The following GPR158 variants were observed in gnomAD, a reference collection of about 807,000 sequenced individuals.
GPR158 encodes the protein G protein-coupled receptor 158.
In GPR158, 30 loss-of-function variants were observed where a neutral mutation model predicts 78.2. The ratio of observed to expected loss-of-function variants is 0.38; its 90% CI spans 0.29 to 0.52. The LOEUF (loss-of-function observed/expected upper bound fraction) is 0.52. Ranked by LOEUF, GPR158 falls within the 20% of genes least tolerant of loss-of-function variation. The pLI, the probability that GPR158 is intolerant of heterozygous loss-of-function variation, is 0.83. For synonymous variants in GPR158, 581 were observed against 591.1 expected (o/e 0.98, Z 0.25); for missense variants, 1,463 against 1,523.5 (o/e 0.96, Z 0.66).
intron 3 of GPR158, among the ~76,000 whole-genome samples, chr10:25,408,078 G>T (rs1834538107): frequency 6.6e-6 from 1 of 152,128 alleles, no homozygotes; most frequent in Admixed American, 6.6e-5. Context: ...GAAGTTTCAA[G>T]TTTCATTTGT....
chr10:25,569,866 A>G (rs1836981229), intron 6 of GPR158, among the ~76,000 whole-genome samples: 1 of 152,190 alleles, frequency 6.6e-6, no homozygotes, highest in South Asian at 2.1e-4. Context: ...CTAGAGAAAA[A>G]AATTATATCT....
chr10:25,317,738 TTTG>T (rs1365875026), intron 2 of GPR158, among the ~76,000 whole-genome samples: 1 of 145,376 alleles, frequency 6.9e-6, no homozygotes, highest in African/African-American at 2.8e-5. Context: ...TTTGTTTTGT[TTTG>T]TTTTTGAGAC....
chr10:25,216,714 A>G (rs1298856508), intron 1 of GPR158, among the ~76,000 whole-genome samples: 1 of 152,232 alleles, frequency 6.6e-6, no homozygotes, highest in Non-Finnish European at 1.5e-5. Context: ...TCTCTTCCAT[A>G]TCAGACTTGG....
chr10:25,556,839 G>A (rs1836792724), intron 6 of GPR158, among the ~76,000 whole-genome samples: 1 of 152,172 alleles, frequency 6.6e-6, no homozygotes, highest in Non-Finnish European at 1.5e-5. Flanking sequence ...TGAATGCTTA[G>A]AGGATTAAGG....
intron 5 of GPR158, among the ~76,000 whole-genome samples, chr10:25,526,415 A>T (rs1371756699): frequency 6.6e-6 from 1 of 152,096 alleles, no homozygotes; most frequent in African/African-American, 2.4e-5. Context: ...ATGTCAGAGG[A>T]TAGAGTTTGA....
chr10:25,257,891 A>G (rs992852932), intron 2 of GPR158, among the ~76,000 whole-genome samples: 4 of 152,110 alleles, frequency 2.6e-5, no homozygotes, highest in African/African-American at 7.2e-5. Flanking sequence ...GCGGGTTAGG[A>G]AAAATGAAGA....
intron 8 of GPR158, among the ~76,000 whole-genome samples, chr10:25,590,365 G>A (rs1837325531): frequency 6.6e-6 from 1 of 152,072 alleles, no homozygotes; most frequent in Admixed American, 6.6e-5. Context: ...CATTAGAAGA[G>A]GAAGGAAAGA....
intron 2 of GPR158, among the ~76,000 whole-genome samples, chr10:25,306,741 G>A (rs1854680944): frequency 6.6e-6 from 1 of 152,116 alleles, no homozygotes; most frequent in African/African-American, 2.4e-5. Flanking sequence ...GAGACATCAT[G>A]TACTTTTTCT....
chr10:25,327,626 G>C (rs1211721447), intron 2 of GPR158, among the ~76,000 whole-genome samples: 1 of 152,106 alleles, frequency 6.6e-6, no homozygotes, highest in East Asian at 1.9e-4. Flanking sequence ...GGGAAGACAG[G>C]AGCAATGAAA....
Position 25,344,650 on chromosome 10 carries a change from T to G in GPR158, c.1009-51261T>G, listed in dbSNP as rs192723058. On this transcript the variant is annotated intron_variant, in intron 2 of 10. Transcript: ENST00000376351. The stretch of plus-strand genomic sequence containing the variant: ...TTGCACCATGATGAAGCCCAGAAAC[T>G]CCAGTGTTATTCATAGTTATTATAT... 3.3e-3 allele frequency among the ~76,000 whole-genome samples: 506 copies of G among 152,070 alleles called. 3 individuals are homozygous for G. The highest frequency in any genetic ancestry group is 0.011 in the African/African-American group (467 of 41,524).
At chr10:25,574,800 G>A (rs988509839) in intron 7 of GPR158, among the ~76,000 whole-genome samples, 6 of 152,108 alleles carry the variant, frequency 3.9e-5, no homozygotes, top group Non-Finnish European at 5.9e-5. Context: ...CAGAAGAATC[G>A]CTTGAACCCA....
chr10:25,300,062 A>T (rs1259091944), intron 2 of GPR158, among the ~76,000 whole-genome samples: 1 of 152,134 alleles, frequency 6.6e-6, no homozygotes, highest in East Asian at 1.9e-4. Flanking sequence ...CCAGCCCTAT[A>T]TCAGTTTTCT....
intron 2 of GPR158, among the ~76,000 whole-genome samples, chr10:25,288,180 CTG>C (rs1377590869): frequency 6.6e-6 from 1 of 152,192 alleles, no homozygotes; most frequent in Non-Finnish European, 1.5e-5. Context: ...AACTCAGGCA[CTG>C]TGAGGTCAAC....
At chr10:25,229,691 T>A (rs1171427913) in intron 2 of GPR158, among the ~76,000 whole-genome samples, 1 of 152,200 alleles carries the variant, frequency 6.6e-6, no homozygotes, top group Non-Finnish European at 1.5e-5. Context: ...CCTTCTTATT[T>A]TCTAGGAAAC....
At chr10:25,316,236 G>A (rs1264275244) in intron 2 of GPR158, among the ~76,000 whole-genome samples, 1 of 152,072 alleles carries the variant, frequency 6.6e-6, no homozygotes, top group South Asian at 2.1e-4. Context: ...AATTTACCCA[G>A]GTATCTGGTA....
At chr10:25,389,249 A>G (rs2130518378) in intron 2 of GPR158, among the ~76,000 whole-genome samples, 1 of 152,254 alleles carries the variant, frequency 6.6e-6, no homozygotes, top group South Asian at 2.1e-4. Flanking sequence ...GAGGCCCATA[A>G]AAGCCCTGCA....
chr10:25,532,589 G>C (rs1028364573), intron 5 of GPR158, among the ~76,000 whole-genome samples: 1 of 151,798 alleles, frequency 6.6e-6, no homozygotes, highest in Admixed American at 6.6e-5. Context: ...TATTACATAT[G>C]ATACTTTCTC....
chr10:25,279,165 T>C (rs895643257), intron 2 of GPR158, among the ~76,000 whole-genome samples: 2 of 148,696 alleles, frequency 1.3e-5, no homozygotes, highest in African/African-American at 5.1e-5. Context: ...CTGCTGCTAC[T>C]GCTGATGCTG....
chr10:25,286,598 G>A (rs1854354192), intron 2 of GPR158, among the ~76,000 whole-genome samples: 2 of 150,588 alleles, frequency 1.3e-5, no homozygotes, highest in African/African-American at 2.4e-5. Context: ...TCTTGACAGT[G>A]TTGTTGTTTT....
Sources: allele counts gnomAD v4.1 joint callset (sites outside exome capture counted in the v4.1 genomes callset), GRCh38; gene constraint gnomAD v4.1.1; transcripts MANE v1.5; gene names NCBI Gene and HGNC (gene_info 2026-07-23, HGNC 2026-07-21).